The following DIP2C variants were observed in gnomAD, a reference collection of about 807,000 sequenced individuals.
The protein encoded by DIP2C is DIP2 acetate--CoA ligase C (putative).
DIP2C carries 33 observed loss-of-function variants against 192.4 expected under a neutral mutation model. That is an observed-to-expected ratio of 0.17 (90% CI 0.13 to 0.23). DIP2C has a LOEUF of 0.23. Among genes scored for constraint, DIP2C ranks in the 10% least tolerant of loss-of-function variants. The pLI, the probability that DIP2C is intolerant of heterozygous loss-of-function variation, is 1.00. For synonymous variants in DIP2C, 979 were observed against 864.1 expected, an observed-to-expected ratio of 1.13 and a Z score of -2.33; for missense variants, 1,537 against 2,110.1, an observed-to-expected ratio of 0.73 and a Z score of 5.32.
intron 8 of DIP2C, among the ~76,000 whole-genome samples, chr10:409,304 G>GGGGGTGGCGA: frequency 6.6e-6 from 1 of 152,098 alleles, no homozygotes; most frequent in Non-Finnish European, 1.5e-5. Context: ...TCTGTGATGT[G>GGGGGTGGCGA]GGGGTGGCGA....
At chr10:548,911 C>CAAAAAAAAAAAAA (rs61437915) in intron 1 of DIP2C, among the ~76,000 whole-genome samples, 56 of 26,432 alleles carry the variant, frequency 2.1e-3, no homozygotes, top group African/African-American at 5.7e-3. Flanking sequence ...TAGCAGCTCA[C>CAAAAAAAAAAAAA]AAAAAAAAAA....
chr10:580,249 AAAGT>A (rs201655647), intron 1 of DIP2C, among the ~76,000 whole-genome samples: 43 of 152,300 alleles, frequency 2.8e-4, no homozygotes, highest in East Asian at 5.8e-4. Context: ...ATACATGTGT[AAAGT>A]ATGTACATAT....
intron 6 of DIP2C, among the ~76,000 whole-genome samples, chr10:417,922 G>GCACCTGTCAGGGC (rs1564686069): frequency 9.6e-6 from 1 of 104,158 alleles, no homozygotes; most frequent in Non-Finnish European, 2.0e-5. Context: ...CTGTCCACCT[G>GCACCTGTCAGGGC]TTCCTGTCAG....
chr10:636,950 G>A lies in DIP2C; in HGVS notation c.85+52544C>T, dbSNP rs1438287135. Among the ~76,000 whole-genome samples, 3 of 152,238 alleles carry A rather than the reference G, an allele frequency of 2.0e-5. No homozygotes were observed. The highest frequency in any genetic ancestry group is 4.4e-5 in the Non-Finnish European group (3 of 68,046). ...GCTCCCCGACGGCATAGCTGCGACC[G>A]GCACCACATGGGACTCGTGTGCACC... On this transcript the variant is annotated intron_variant, in intron 1 of 36. Coordinates refer to ENST00000280886, the MANE Select transcript of DIP2C (RefSeq NM_014974.3). The surrounding 1 kb of genome is among the most constrained non-coding windows in gnomAD (Gnocchi z 4.6).
intron 3 of DIP2C, among the ~76,000 whole-genome samples, chr10:448,466 C>T (rs1195797418): frequency 2.9e-4 from 39 of 134,332 alleles, no homozygotes; most frequent in East Asian, 2.5e-4. Context: ...ACCCACTCAT[C>T]CCCGTCTATA....
intron 26 of DIP2C, among the ~76,000 whole-genome samples, chr10:347,823 C>T (rs1958579956): frequency 6.7e-6 from 1 of 148,358 alleles, no homozygotes; most frequent in Admixed American, 6.7e-5. Context: ...ACACATCGCG[C>T]ATAGCTCTCC....
At chr10:550,637 G>C (rs1468222228) in intron 1 of DIP2C, among the ~76,000 whole-genome samples, 1 of 152,184 alleles carries the variant, frequency 6.6e-6, no homozygotes, top group Admixed American at 6.5e-5. Context: ...CAGAGCGTCT[G>C]CACTCTGCCT....
intron 17 of DIP2C, among the ~76,000 whole-genome samples, chr10:375,494 A>C (rs1961453890): frequency 6.6e-6 from 1 of 152,208 alleles, no homozygotes; most frequent in African/African-American, 2.4e-5. Context: ...ACACCAACAA[A>C]AAGGAAAGAA....
rs949268508 is a variant in DIP2C at position 363,525 on chromosome 10, A to C, written c.2478-214T>G. Reference sequence around the variant, plus strand: ...ATGCTGCCGAGGCAAGGTCACCCTGATCCCCACGGAGGCCACACACAGCAC... The same window carrying C: ...ATGCTGCCGAGGCAAGGTCACCCTGCTCCCCACGGAGGCCACACACAGCAC... On this transcript the variant is annotated intron_variant, in intron 20 of 36. Transcript: ENST00000280886. This position sits in a 1 kb window ranked among gnomAD's most constrained non-coding sequence, Gnocchi z 5.4. Among the ~76,000 whole-genome samples, 1 of 152,176 alleles carries C rather than the reference A, an allele frequency of 6.6e-6. No individual in the cohort carries two copies. Among genetic ancestry groups the C allele is most frequent in the Non-Finnish European group, 1.5e-5 (1 of 68,036 alleles).
chr10:650,892 G>C (rs1317294363), intron 1 of DIP2C: 1 of 717,394 alleles, frequency 1.4e-6, no homozygotes, highest in Non-Finnish European at 2.6e-6. Context: ...GGATTCGTGG[G>C]CCTCACGGGG....
At chr10:548,251 C>A (rs1336478150) in intron 1 of DIP2C, among the ~76,000 whole-genome samples, 1 of 123,708 alleles carries the variant, frequency 8.1e-6, no homozygotes, top group Admixed American at 1.0e-4. Context: ...GGGCTCAGGG[C>A]CCCCAGGTGG....
At chr10:646,290 T>C (rs1052998425) in intron 1 of DIP2C, among the ~76,000 whole-genome samples, 2 of 145,902 alleles carry the variant, frequency 1.4e-5, no homozygotes, top group Non-Finnish European at 3.0e-5. Flanking sequence ...CCTGTGCAGG[T>C]ACTGGAGCTG....
intron 1 of DIP2C, chr10:668,654 C>A (rs1035488412): frequency 1.3e-5 from 2 of 152,272 alleles, no homozygotes; most frequent in Non-Finnish European, 1.5e-5. Flanking sequence ...ACAACACGCT[C>A]ATACAACACA....
At chr10:673,211 A>G (rs1206258879) in intron 1 of DIP2C, among the ~76,000 whole-genome samples, 1 of 152,184 alleles carries the variant, frequency 6.6e-6, no homozygotes, top group Non-Finnish European at 1.5e-5. Flanking sequence ...GTTAAGAGTG[A>G]GCCAGCCTTT....
At chr10:559,680 T>A (rs1274179237) in intron 1 of DIP2C, among the ~76,000 whole-genome samples, 1 of 152,142 alleles carries the variant, frequency 6.6e-6, no homozygotes, top group African/African-American at 2.4e-5. Context: ...ACAGACCAGC[T>A]ACCCACATGC....
At chr10:421,578 T>A (rs567522390) in intron 5 of DIP2C, among the ~76,000 whole-genome samples, 4 of 152,352 alleles carry the variant, frequency 2.6e-5, no homozygotes, top group South Asian at 4.1e-4. Context: ...TGATTTCAAG[T>A]ACAGGTTATT....
chr10:577,022 C>T (rs535619032), intron 1 of DIP2C, among the ~76,000 whole-genome samples: 1 of 152,162 alleles, frequency 6.6e-6, no homozygotes, highest in Admixed American at 6.5e-5. Context: ...CCAGTTTTTT[C>T]TTACTTCGTT....
At chr10:437,954 G>A (rs1967403374) in intron 4 of DIP2C, 1 of 152,082 alleles carries the variant, frequency 6.6e-6, no homozygotes, top group South Asian at 2.1e-4. Context: ...AAGTAAGCAG[G>A]GTAATAAACA....
At chr10:445,932 GGCC>G (rs1342443359) in intron 3 of DIP2C, among the ~76,000 whole-genome samples, 19 of 150,184 alleles carry the variant, frequency 1.3e-4, no homozygotes, top group African/African-American at 4.4e-4. Flanking sequence ...AAGTCTCACA[GGCC>G]CACTGGGCGT....
Sources: allele counts gnomAD v4.1 joint callset (sites outside exome capture counted in the v4.1 genomes callset), GRCh38; gene constraint gnomAD v4.1.1; non-coding constraint Gnocchi (gnomAD v3.1); transcripts MANE v1.5; gene names NCBI Gene and HGNC (gene_info 2026-07-23, HGNC 2026-07-21).